The following CATSPERT variants were observed in gnomAD, a reference collection of about 807,000 sequenced individuals.
The protein encoded by CATSPERT is catsper channel auxiliary subunit tau, also known as cation channel sperm-associated targeting subunit tau.
chr2:201,565,661 A>G, the CATSPERT span: 2 of 1,432,690 alleles, frequency 1.4e-6, no homozygotes, highest in Non-Finnish European at 9.2e-7. Flanking sequence ...AAATTAATAT[A>G]TTATACAAAT....
At chr2:201,545,640 AAAAAAAAAAAAAAG>A in the CATSPERT span, 11 of 850,008 alleles carry the variant, frequency 1.3e-5, no homozygotes, top group African/African-American at 1.9e-4. Context: ...AAAAAAAAAA[AAAAAAAAAAAAAAG>A]AAAAAAAAAT....
the CATSPERT span, among the ~76,000 whole-genome samples, chr2:201,544,063 G>A: frequency 1.3e-5 from 2 of 152,042 alleles, no homozygotes; most frequent in African/African-American, 4.8e-5. Flanking sequence ...CTGTGTCCAA[G>A]TGTTCTCATT....
the CATSPERT span, among the ~76,000 whole-genome samples, chr2:201,568,252 T>A: frequency 2.0e-5 from 3 of 152,192 alleles, no homozygotes; most frequent in African/African-American, 7.2e-5. Context: ...AGTTGCTACT[T>A]CTTGCTCACC....
chr2:201,562,628 AG>A, the CATSPERT span, among the ~76,000 whole-genome samples: 2 of 147,838 alleles, frequency 1.4e-5, no homozygotes, highest in African/African-American at 2.5e-5. Context: ...AAGTGAACAA[AG>A]GTCTCTGGTT....
chr2:201,584,018 G>A, the CATSPERT span, among the ~76,000 whole-genome samples: 3 of 152,152 alleles, frequency 2.0e-5, no homozygotes, highest in Non-Finnish European at 4.4e-5. Context: ...GAGAATTAAC[G>A]AACTAGAATT....
the CATSPERT span, chr2:201,493,373 G>A: frequency 6.5e-7 from 1 of 1,536,870 alleles, no homozygotes; most frequent in African/African-American, 1.4e-5. Context: ...GGTATACTCT[G>A]CTCAGAAAGA....
the CATSPERT span, among the ~76,000 whole-genome samples, chr2:201,547,292 T>A: frequency 6.6e-6 from 1 of 152,122 alleles, no homozygotes; most frequent in Non-Finnish European, 1.5e-5. Context: ...ATGAATGATA[T>A]CCTTATAAAT....
At chr2:201,493,889 CTTCT>C in the CATSPERT span, 1 of 1,537,068 alleles carries the variant, frequency 6.5e-7, no homozygotes, top group South Asian at 1.2e-5. Context: ...GAGACATGTT[CTTCT>C]ACCTCTGGAG....
chr2:201,535,331 A>C, the CATSPERT span: 15 of 982,896 alleles, frequency 1.5e-5, no homozygotes, highest in Non-Finnish European at 1.7e-5. Context: ...TTTTTATACC[A>C]TTTGATGAAC....
chr2:201,618,813 C>T, the CATSPERT span: 18 of 1,230,420 alleles, frequency 1.5e-5, no homozygotes, highest in Non-Finnish European at 2.1e-5. Flanking sequence ...AATTGGCACA[C>T]ATTGAACCCT....
the CATSPERT span, chr2:201,493,177 GAGTT>G: frequency 5.2e-6 from 8 of 1,528,822 alleles, no homozygotes; most frequent in South Asian, 1.2e-5. Flanking sequence ...ATCCATTAAT[GAGTT>G]AGTTAAACTT....
chr2:201,613,684 A>G, the CATSPERT span, among the ~76,000 whole-genome samples: 1 of 152,244 alleles, frequency 6.6e-6, no homozygotes. Context: ...CCAGCAAGGG[A>G]ACAAAGCTGG....
chr2:201,515,576 C>A, the CATSPERT span, among the ~76,000 whole-genome samples: 1 of 151,994 alleles, frequency 6.6e-6, no homozygotes, highest in Non-Finnish European at 1.5e-5. Context: ...ACTTGCCAAC[C>A]AACAGGGCAT....
At chr2:201,583,124 G>T in the CATSPERT span, among the ~76,000 whole-genome samples, 2 of 152,278 alleles carry the variant, frequency 1.3e-5, no homozygotes, top group South Asian at 4.1e-4. Flanking sequence ...TCCAAGTATT[G>T]ACAGACACTC....
the CATSPERT span, chr2:201,554,203 A>C: frequency 6.6e-6 from 1 of 152,318 alleles, no homozygotes; most frequent in African/African-American, 2.4e-5. Context: ...TTTAAAACAT[A>C]TAATACTATC....
chr2:201,546,736 A>T, the CATSPERT span, among the ~76,000 whole-genome samples: 1 of 152,140 alleles, frequency 6.6e-6, no homozygotes, highest in Non-Finnish European at 1.5e-5. Context: ...ATAAATCGAA[A>T]CAGGAAACTA....
chr2:201,492,271 C>T, the CATSPERT span: 2 of 1,533,278 alleles, frequency 1.3e-6, no homozygotes, highest in South Asian at 2.4e-5. Flanking sequence ...TGGTATAGAA[C>T]TAGAATTAAG....
the CATSPERT span, among the ~76,000 whole-genome samples, chr2:201,601,500 C>T: frequency 6.6e-6 from 1 of 152,144 alleles, no homozygotes; most frequent in African/African-American, 2.4e-5. Flanking sequence ...AAACCACAGA[C>T]AGTAACATCT....
the CATSPERT span, among the ~76,000 whole-genome samples, chr2:201,516,930 C>CTT: frequency 4.4e-5 from 6 of 135,520 alleles, no homozygotes; most frequent in Non-Finnish European, 9.6e-5. Context: ...AATAGGAAGG[C>CTT]TTTTTTTTTT....
Sources: allele counts gnomAD v4.1 joint callset (sites outside exome capture counted in the v4.1 genomes callset), GRCh38; gene constraint gnomAD v4.1.1; transcripts MANE v1.5; gene names NCBI Gene and HGNC (gene_info 2026-07-23, HGNC 2026-07-21).